ATP8A2: variants seen among roughly 807,000 people sequenced by gnomAD.
ATP8A2 encodes phospholipid-transporting ATPase IB.
ATP8A2 carries 100 observed loss-of-function variants against 165.6 expected under a neutral mutation model. The observed-to-expected ratio is 0.60, with a 90% CI of 0.51 to 0.71. ATP8A2 has a LOEUF of 0.71. ATP8A2 is among the 30% of genes least tolerant of loss of function. The pLI is 0.00. For synonymous variants in ATP8A2, 543 were observed against 548.8 expected (o/e 0.99, Z 0.15); for missense variants, 1,227 against 1,479.5 (o/e 0.83, Z 2.80).
intron 27 of ATP8A2, among the ~76,000 whole-genome samples, chr13:25,797,962 G>A (rs1803628556): frequency 6.6e-6 from 1 of 152,182 alleles, no homozygotes; most frequent in African/African-American, 2.4e-5. Context: ...GACTATTTAA[G>A]AGATAAGTGA....
rs768692678 is a variant in ATP8A2 at position 25,839,622 on chromosome 13, A to C, written c.2954A>C (p.His985Pro). 4 of 1,613,262 alleles carry C rather than the reference A, an allele frequency of 2.5e-6. No homozygotes were observed. Among genetic ancestry groups the C allele is most frequent in the Non-Finnish European group, 2.5e-6 (3 of 1,179,194 alleles). The change falls in exon 30 of 37, where the codon CAT becomes CCT. Residue 985 changes from histidine to proline, a missense_variant and splice_region_variant. His to Pro is a moderately conservative substitution (Grantham distance 77). Coordinates refer to ENST00000381655, the MANE Select transcript of ATP8A2 (RefSeq NM_016529.6). ...TGGTTTCCCATGAAAGCTCTGGAGC[A>C]TGGTAAGGGCTGTGTGATTTCACCT... The part of the protein sequence containing the change: ...LFWFPMKALE[H>P]DTVLTSGHAT...
chr13:25,701,959 C>G (rs2042960737), intron 25 of ATP8A2, among the ~76,000 whole-genome samples: 2 of 152,050 alleles, frequency 1.3e-5, no homozygotes, highest in African/African-American at 4.8e-5. Flanking sequence ...CATCATTTTC[C>G]TGCTCTTGGA....
intron 24 of ATP8A2, among the ~76,000 whole-genome samples, chr13:25,601,818 T>C (rs2040395816): frequency 6.6e-6 from 1 of 152,144 alleles, no homozygotes; most frequent in African/African-American, 2.4e-5. Flanking sequence ...AAAATGTGGG[T>C]CACATATTTT....
chr13:25,713,943 G>C (rs948772327), intron 25 of ATP8A2, among the ~76,000 whole-genome samples: 1 of 151,984 alleles, frequency 6.6e-6, no homozygotes, highest in Non-Finnish European at 1.5e-5. Context: ...TTAGATGCTT[G>C]GTCTCTTGTA....
At chr13:25,777,686 A>G (rs970702094) in intron 27 of ATP8A2, among the ~76,000 whole-genome samples, 2 of 152,270 alleles carry the variant, frequency 1.3e-5, no homozygotes, top group African/African-American at 4.8e-5. Context: ...GTGCATGCAC[A>G]CACACATTTT....
At chr13:25,762,268 CAAAAAAAAAAAAA>C (rs59081934) in intron 25 of ATP8A2, among the ~76,000 whole-genome samples, 4 of 41,314 alleles carry the variant, frequency 9.7e-5, no homozygotes, top group African/African-American at 2.2e-4. Flanking sequence ...GACTCTGTCT[CAAAAAAAAAAAAA>C]AAAAAAAAAA....
chr13:25,864,812 T>G (rs1391839982), intron 33 of ATP8A2, among the ~76,000 whole-genome samples: 1 of 152,210 alleles, frequency 6.6e-6, no homozygotes, highest in African/African-American at 2.4e-5. Flanking sequence ...GGTACTCTGC[T>G]GTCTGAGTCT....
chr13:25,512,970 CA>C, intron 2 of ATP8A2, among the ~76,000 whole-genome samples: 1 of 136,910 alleles, frequency 7.3e-6, no homozygotes, highest in Non-Finnish European at 1.7e-5. Flanking sequence ...CTGACCCCCC[CA>C]CCTCCCTCCC....
At chr13:25,787,999 C>G (rs1391652642) in intron 27 of ATP8A2, among the ~76,000 whole-genome samples, 6 of 152,192 alleles carry the variant, frequency 3.9e-5, no homozygotes, top group African/African-American at 1.4e-4. Flanking sequence ...ATGGCTTTCC[C>G]TGGAACCACT....
intron 35 of ATP8A2, among the ~76,000 whole-genome samples, chr13:25,969,408 T>C (rs1402817879): frequency 6.6e-6 from 1 of 152,246 alleles, no homozygotes; most frequent in Non-Finnish European, 1.5e-5. Flanking sequence ...AAGCCATTGC[T>C]CTATTAAGGA....
intron 23 of ATP8A2, among the ~76,000 whole-genome samples, chr13:25,586,309 T>C (rs2039919906): frequency 6.6e-6 from 1 of 152,142 alleles, no homozygotes; most frequent in Non-Finnish European, 1.5e-5. Flanking sequence ...CCTTCAGAGT[T>C]TGTTTAAAAC....
chr13:25,722,636 G>T (rs2043405981), intron 25 of ATP8A2, among the ~76,000 whole-genome samples: 1 of 148,988 alleles, frequency 6.7e-6, no homozygotes, highest in South Asian at 2.1e-4. Context: ...CACACACTTG[G>T]CACTAATTCA....
chr13:25,620,236 G>A (rs2040934148), intron 24 of ATP8A2, among the ~76,000 whole-genome samples: 1 of 152,170 alleles, frequency 6.6e-6, no homozygotes, highest in African/African-American at 2.4e-5. Context: ...GGGAGTAGGG[G>A]ATGGGTACAG....
chr13:25,722,372 GA>G (rs1294312429), intron 25 of ATP8A2, among the ~76,000 whole-genome samples: 3 of 152,162 alleles, frequency 2.0e-5, no homozygotes, highest in Non-Finnish European at 4.4e-5. Flanking sequence ...AGACTTCCTT[GA>G]ACAAGGCCAT....
In ATP8A2 at chr13:25,620,730, T is replaced by C. The variant is rs76099319; in HGVS notation, c.2211+31031T>C. Among the ~76,000 whole-genome samples the C allele has an allele frequency of 5.1e-3, 776 of 152,288 alleles. 6 individuals carry two copies. The highest frequency in any genetic ancestry group is 0.018 in the African/African-American group (744 of 41,558). ...AGCACAGTTTTACAGTTGATAGAAA[T>C]ATGAAATTAAGACAAAATTCTTTAC... On this transcript the variant is annotated intron_variant, in intron 24 of 36. Transcript: ENST00000381655.
chr13:25,794,096 C>T (rs1029240433), intron 27 of ATP8A2, among the ~76,000 whole-genome samples: 1 of 152,156 alleles, frequency 6.6e-6, no homozygotes, highest in African/African-American at 2.4e-5. Flanking sequence ...GGGGAGAAGA[C>T]AGAGGGAGGA....
At chr13:25,634,401 AGT>A (rs1255161754) in intron 24 of ATP8A2, among the ~76,000 whole-genome samples, 13 of 152,228 alleles carry the variant, frequency 8.5e-5, no homozygotes, top group Admixed American at 6.5e-5. Flanking sequence ...CTGTAACTGC[AGT>A]AAGTCCTGTT....
chr13:25,964,833 G>A (rs1378232487), intron 34 of ATP8A2, among the ~76,000 whole-genome samples: 1 of 152,116 alleles, frequency 6.6e-6, no homozygotes, highest in Non-Finnish European at 1.5e-5. Context: ...GTTTTATTTT[G>A]TTCTGAACTT....
chr13:25,630,258 G>C (rs1055107766), intron 24 of ATP8A2, among the ~76,000 whole-genome samples: 6 of 152,122 alleles, frequency 3.9e-5, no homozygotes, highest in Non-Finnish European at 2.9e-5. Context: ...CTTTCAATTA[G>C]TGGAAAATAA....
Sources: gnomAD v4.1 joint callset for allele counts (sites outside exome capture counted in the v4.1 genomes callset) on GRCh38, gnomAD v4.1.1 for gene constraint, MANE v1.5 for transcripts, NCBI Gene and HGNC (gene_info 2026-07-23, HGNC 2026-07-21) for gene names.